The following ELAC1 variants were observed in gnomAD, a reference collection of about 807,000 sequenced individuals.
ELAC1 encodes the protein zinc phosphodiesterase ELAC protein 1.
A neutral mutation model predicts 25.8 loss-of-function variants in ELAC1; 19 were observed. The ratio of observed to expected loss-of-function variants is 0.74; its 90% CI spans 0.51 to 1.08. ELAC1 has a LOEUF of 1.08. Among genes scored for constraint, ELAC1 ranks in the 50% least tolerant of loss-of-function variants. The pLI is 0.00. For synonymous variants in ELAC1, 148 were observed against 160.9 expected, an observed-to-expected ratio of 0.92 and a Z score of 0.61; for missense variants, 403 against 434.6, an observed-to-expected ratio of 0.93 and a Z score of 0.65.
chr18:50,971,391 C>T (rs1421036138), intron 1 of ELAC1, among the ~76,000 whole-genome samples: 1 of 152,038 alleles, frequency 6.6e-6, no homozygotes, highest in Non-Finnish European at 1.5e-5. Context: ...AATGGTCTCT[C>T]TTTTTGTTTG....
At chr18:50,970,278 C>A (rs879202910) in intron 1 of ELAC1, among the ~76,000 whole-genome samples, 1 of 152,196 alleles carries the variant, frequency 6.6e-6, no homozygotes, top group Non-Finnish European at 1.5e-5. Context: ...TTTAAAAGCT[C>A]TCCAGGTGAT....
At chr18:50,975,624 G>A (rs1347597170) in intron 2 of ELAC1, among the ~76,000 whole-genome samples, 1 of 151,738 alleles carries the variant, frequency 6.6e-6, no homozygotes, top group Non-Finnish European at 1.5e-5. Context: ...TTAGCACAGT[G>A]CCTCTCACTT....
In ELAC1 at chr18:50,973,714, A is replaced by C. The variant is rs140150357; in HGVS notation, c.-8-683A>C. 3.3e-5 allele frequency among the ~76,000 whole-genome samples: 5 copies of C among 150,960 alleles called. No individual in the cohort carries two copies. In the South Asian group the frequency reaches 1.0e-3, roughly 31 times the overall value. On this transcript the variant is annotated intron_variant, in intron 1 of 3. Transcript: ENST00000269466. ...AGTGTTTATTAGAAGGATTTTTTTT[A>C]AAAAAATTAGTAAGTAGAAAGTACA...
At chr18:50,986,070 C>G (rs531575023) in intron 3 of ELAC1, among the ~76,000 whole-genome samples, 1 of 125,478 alleles carries the variant, frequency 8.0e-6, no homozygotes, top group Middle Eastern at 6.8e-3. Flanking sequence ...GGCTGGAGTG[C>G]AGTGGTGTGA....
intron 2 of ELAC1, among the ~76,000 whole-genome samples, chr18:50,983,690 T>C (rs1264162565): frequency 7.9e-6 from 1 of 126,514 alleles, no homozygotes; most frequent in Non-Finnish European, 1.8e-5. Flanking sequence ...TTCTACAAAA[T>C]TAAAAAAAAA....
At chr18:50,979,029 A>C (rs1460515477) in intron 2 of ELAC1, among the ~76,000 whole-genome samples, 1 of 152,234 alleles carries the variant, frequency 6.6e-6, no homozygotes, top group African/African-American at 2.4e-5. Context: ...GGCACAGGCC[A>C]GAGTAGAGAC....
chr18:50,973,052 G>A (rs572858013), intron 1 of ELAC1, among the ~76,000 whole-genome samples: 10 of 152,218 alleles, frequency 6.6e-5, no homozygotes, highest in Admixed American at 2.0e-4. Flanking sequence ...TCTTTTATTC[G>A]TGTGAATCTT....
chr18:50,984,939 A>G, intron 3 of ELAC1: 1 of 270,236 alleles, frequency 3.7e-6, no homozygotes, highest in Non-Finnish European at 6.9e-6. Flanking sequence ...CTCAAAAAAA[A>G]AAAAGTGTCA....
rs370279957 is a variant in ELAC1 at position 50,984,512 on chromosome 18, G to A, written c.574G>A (p.Val192Met). ...HRIPSFGFSV[V>M]EKKRPGKLNA... Reference sequence around the variant, plus strand: ...AATTCCCTCATTTGGGTTTTCAGTCGTGGAAAAGAAACGCCCAGGTAAACT... The same window carrying A: ...AATTCCCTCATTTGGGTTTTCAGTCATGGAAAAGAAACGCCCAGGTAAACT... Residue 192 changes from valine (V) to methionine (M), a missense_variant, in exon 3 of 4, where the codon GTG becomes ATG. Val to Met is a conservative substitution (Grantham distance 21, BLOSUM62 1). Coordinates refer to ENST00000269466, the MANE Select transcript of ELAC1 (RefSeq NM_018696.3). The A allele has an allele frequency of 2.3e-5, 37 of 1,614,028 alleles. No homozygotes were observed. The highest frequency in any genetic ancestry group is 1.1e-4 in the African/African-American group (8 of 75,026).
intron 2 of ELAC1, 31 bp downstream of exon 2, chr18:50,974,592 T>A: frequency 6.2e-7 from 1 of 1,606,950 alleles, no homozygotes; most frequent in Non-Finnish European, 8.5e-7. Context: ...CTCATTAAGA[T>A]TTTTTTGTTG....
chr18:50,987,346 A>G lies in ELAC1; in HGVS notation c.*261A>G, dbSNP rs941404236. ...GATAGACTATTCAGTTATACATCTT[A>G]TTTTGTGCTACTACCACAGATAGCC... On this transcript the variant is annotated 3_prime_UTR_variant, in exon 4 of 4. Coordinates refer to ENST00000269466, the MANE Select transcript of ELAC1 (RefSeq NM_018696.3). The G allele has an allele frequency of 3.8e-5, 12 of 315,230 alleles. No homozygotes were observed. The highest frequency in any genetic ancestry group is 5.8e-6 in the Non-Finnish European group (1 of 173,380). 19.5% of individuals were successfully genotyped at this position (315,230 alleles called of 1,614,324 possible). A position where few individuals can be genotyped will look rare whatever the true frequency, so the allele number is the denominator to read the frequency against.
rs755062125 is a variant in ELAC1, at chr18:50,971,908, G to GTATATA, written c.-8-2488_-8-2487insATATAT. ...TATATATGTATATATGTGTGTGTGT[G>GTATATA]TGTGTATATATATATATATATATAT... On this transcript the variant is annotated intron_variant, in intron 1 of 3. Transcript: ENST00000269466. Among the ~76,000 whole-genome samples the GTATATA allele has an allele frequency of 3.7e-3, 464 of 127,112 alleles. 4 individuals are homozygous for GTATATA. The highest frequency in any genetic ancestry group is 0.014 in the African/African-American group (404 of 29,444). The allele number at this position is 127,112 out of a possible 152,430, so 83.4% of individuals were successfully genotyped here.
In ELAC1 at chr18:50,984,574, T is replaced by G; in HGVS notation, c.625+11T>G. ...AACTTAAAGACCTTGGTAAGTGTTT[T>G]TTTGTTTTTTGTTTTTTCCCGCCTT... On this transcript the variant is annotated intron_variant, in intron 3 of 3. Transcript: ENST00000269466. 1.9e-6 allele frequency: 3 copies of G among 1,579,668 alleles called. No individual in the cohort carries two copies. The highest frequency in any genetic ancestry group is 2.3e-5 in the South Asian group (2 of 88,498).
intron 3 of ELAC1, 97 bp from the exon 4 acceptor site, chr18:50,986,522 C>G: frequency 3.4e-6 from 3 of 893,336 alleles, no homozygotes; most frequent in South Asian, 1.8e-5. Flanking sequence ...ATTATGGATG[C>G]CTTTTCCATT....
intron 2 of ELAC1, among the ~76,000 whole-genome samples, chr18:50,978,948 G>C (rs572777280): frequency 6.6e-6 from 1 of 152,176 alleles, no homozygotes; most frequent in Non-Finnish European, 1.5e-5. Context: ...TAATTCAGGT[G>C]CTATTCTTTG....
intron 3 of ELAC1, among the ~76,000 whole-genome samples, chr18:50,985,871 GC>G (rs1908094970): frequency 6.6e-6 from 1 of 152,204 alleles, no homozygotes; most frequent in East Asian, 1.9e-4. Flanking sequence ...ATGTGGAACT[GC>G]CCCTGTCTGC....
rs772280856 is a variant in ELAC1 at position 50,984,478 on chromosome 18, C to G, written c.540C>G (p.Leu180=). The change falls in exon 3 of 4, where the codon CTC becomes CTG. Residue 180 remains leucine (L), a synonymous_variant. Coordinates refer to ENST00000269466, the MANE Select transcript of ELAC1 (RefSeq NM_018696.3). ...AATTTGTTGTAAAAGCATTTCGCCT[C>G]TTTCACAGAATTCCCTCATTTGGGT... is the stretch of plus-strand genomic sequence containing the variant. ...DEQFVVKAFR[L]FHRIPSFGFS... is the part of the protein sequence containing the mutation. 6.2e-7 allele frequency: 1 copy of G among 1,614,148 alleles called. No individual in the cohort carries two copies. The highest frequency in any genetic ancestry group is 8.5e-7 in the Non-Finnish European group (1 of 1,180,000).
chr18:50,968,268 G>C (rs1285000135), intron 1 of ELAC1, among the ~76,000 whole-genome samples, 154 bp downstream of exon 1: 1 of 151,990 alleles, frequency 6.6e-6, no homozygotes. Flanking sequence ...GAGTCTCGGC[G>C]GGCCGGAGCC....
chr18:50,986,543 A>C (rs1347638506), intron 3 of ELAC1, 76 bp from the exon 4 acceptor site: 6 of 1,119,540 alleles, frequency 5.4e-6, no homozygotes, highest in Non-Finnish European at 7.7e-6. Context: ...AGCTATTTGC[A>C]ATGCTGTTAA....
Sources: allele counts gnomAD v4.1 joint callset (sites outside exome capture counted in the v4.1 genomes callset), GRCh38; gene constraint gnomAD v4.1.1; transcripts MANE v1.5; gene names NCBI Gene and HGNC (gene_info 2026-07-23, HGNC 2026-07-21).